Variants in XYLT1 observed in about 807,000 individuals in gnomAD.
XYLT1 encodes the protein xylosyltransferase 1.
XYLT1 carries 36 observed loss-of-function variants against 91.3 expected under a neutral mutation model. The ratio of observed to expected loss-of-function variants is 0.39; its 90% CI spans 0.30 to 0.52. The LOEUF (loss-of-function observed/expected upper bound fraction) is 0.52, where lower values mean the gene tolerates loss of function less well. XYLT1 is among the 20% of genes least tolerant of loss of function. The pLI is 0.68. For missense variants in XYLT1, 1,242 were observed against 1,284.5 expected (o/e 0.97, Z 0.51); for synonymous variants, 588 against 532.0 (o/e 1.11, Z -1.45).
chr16:17,444,093 G>A (rs2036564044), intron 1 of XYLT1, among the ~76,000 whole-genome samples: 1 of 152,092 alleles, frequency 6.6e-6, no homozygotes, highest in African/African-American at 2.4e-5. Context: ...CTCCTGGCTG[G>A]AAATCTGTTT....
chr16:17,284,456 G>A (rs969678958), intron 2 of XYLT1, among the ~76,000 whole-genome samples: 2 of 152,212 alleles, frequency 1.3e-5, no homozygotes, highest in African/African-American at 4.8e-5. Context: ...ACCTGGGGAT[G>A]AGTACTTTAA....
intron 3 of XYLT1, among the ~76,000 whole-genome samples, chr16:17,247,657 G>C (rs998622058): frequency 6.6e-6 from 1 of 152,150 alleles, no homozygotes; most frequent in Non-Finnish European, 1.5e-5. Flanking sequence ...CAAGGCTTTC[G>C]CAGCCGATAA....
intron 1 of XYLT1, among the ~76,000 whole-genome samples, chr16:17,374,698 TTCTG>T (rs1471734407): frequency 6.6e-6 from 1 of 152,104 alleles, no homozygotes; most frequent in Non-Finnish European, 1.5e-5. Flanking sequence ...AAAATCTTTT[TTCTG>T]TCTAAAATAG....
rs1441479364 is a variant in XYLT1, at chr16:17,102,014, T to TA, written c.*6680dup. 6.6e-6 allele frequency: 1 copy of TA among 152,218 alleles called. No homozygotes were observed. The highest frequency in any genetic ancestry group is 1.5e-5 in the Non-Finnish European group (1 of 68,036). The allele number at this position is 152,218 out of a possible 1,614,324, so 9.4% of individuals were successfully genotyped here. On this transcript the variant is annotated 3_prime_UTR_variant, in exon 12 of 12. Coordinates refer to ENST00000261381, the MANE Select transcript of XYLT1 (RefSeq NM_022166.4). ...TGTTATTCTCTACTCAGTACGGGTT[T>TA]AAAAATCATATACTTCTGCCTCAAC...
At position 17,306,864 on chromosome 16, in the gene XYLT1, C is replaced by T. The variant is rs560493266; in HGVS notation, c.403-47366G>A. 2.0e-5 allele frequency among the ~76,000 whole-genome samples: 3 copies of T among 152,152 alleles called. No homozygotes were observed. In the South Asian group the frequency reaches 6.2e-4, roughly 32 times the overall value. Reference sequence around the variant, plus strand: ...GGTATTAGAGGCATCTCTTCCAGCCCCTTCACTATGCAGAGGAAGAATCTG... The same window carrying T: ...GGTATTAGAGGCATCTCTTCCAGCCTCTTCACTATGCAGAGGAAGAATCTG... On this transcript the variant is annotated intron_variant, in intron 2 of 11. Coordinates refer to ENST00000261381, the MANE Select transcript of XYLT1 (RefSeq NM_022166.4).
intron 1 of XYLT1, among the ~76,000 whole-genome samples, chr16:17,380,163 C>T (rs1262054257): frequency 1.3e-5 from 2 of 152,170 alleles, no homozygotes; most frequent in Non-Finnish European, 2.9e-5. Flanking sequence ...TGGTGCACAC[C>T]TGTAATCCCA....
chr16:17,138,109 AAATGGAATAAT>A (rs758419230), intron 8 of XYLT1: 22 of 448,920 alleles, frequency 4.9e-5, no homozygotes, highest in Non-Finnish European at 7.9e-5. Context: ...CATATCCCTA[AAATGGAATAAT>A]AATGAAAGGT....
rs1306633241 is a variant in XYLT1 at position 17,134,680 on chromosome 16, T to A, written c.1820A>T (p.Glu607Val). The change falls in exon 9 of 12, where the codon GAA (glutamate) becomes GTA (valine). Residue 607 changes from glutamate (E) to valine (V), a missense_variant. Glu to Val is a moderately radical substitution (Grantham distance 121, BLOSUM62 -2). Transcript: ENST00000261381. ...GTAATAGTCCAGCTGCCCAATGATT[T>A]CCTGATTCACCACGGCTTCAAACTT... The part of the protein sequence containing the change: ...ARKFEAVVNQ[E>V]IIGQLDYYLY... 1 of 1,614,162 alleles carries A rather than the reference T, an allele frequency of 6.2e-7. No individual in the cohort carries two copies. The highest frequency in any genetic ancestry group is 1.7e-5 in the Admixed American group (1 of 60,012).
chr16:17,349,040 C>T (rs546104892), intron 2 of XYLT1, among the ~76,000 whole-genome samples: 2 of 152,302 alleles, frequency 1.3e-5, no homozygotes, highest in African/African-American at 4.8e-5. Context: ...AAGTCAATGG[C>T]GGTGGGGGTG....
intron 8 of XYLT1, among the ~76,000 whole-genome samples, chr16:17,136,302 T>A (rs973696865): frequency 2.6e-5 from 4 of 152,142 alleles, no homozygotes; most frequent in African/African-American, 9.7e-5. Context: ...CTTTCTACTG[T>A]ATCACTCCAG....
At chr16:17,210,499 C>T (rs1042345693) in intron 3 of XYLT1, among the ~76,000 whole-genome samples, 8 of 152,160 alleles carry the variant, frequency 5.3e-5, no homozygotes, top group African/African-American at 1.9e-4. Flanking sequence ...ATTGCTTGAA[C>T]CCAGGAGGCG....
intron 4 of XYLT1, among the ~76,000 whole-genome samples, chr16:17,200,173 A>T (rs2032507927): frequency 6.6e-6 from 1 of 151,828 alleles, no homozygotes; most frequent in South Asian, 2.1e-4. Context: ...GTGAGCGGAG[A>T]TCATGCCACG....
intron 2 of XYLT1, among the ~76,000 whole-genome samples, chr16:17,263,268 T>C (rs1304490651): frequency 6.6e-6 from 1 of 152,064 alleles, no homozygotes; most frequent in Non-Finnish European, 1.5e-5. Flanking sequence ...AACACTGCGA[T>C]CATCTCCCTC....
At chr16:17,337,372 A>AG (rs1420744562) in intron 2 of XYLT1, among the ~76,000 whole-genome samples, 5 of 152,094 alleles carry the variant, frequency 3.3e-5, no homozygotes, top group South Asian at 2.1e-4. Flanking sequence ...TAGAGATGAG[A>AG]GGGGGTCTCA....
At chr16:17,467,875 T>C (rs62032190) in intron 1 of XYLT1, among the ~76,000 whole-genome samples, 26,056 of 150,378 alleles carry the variant, frequency 0.17, 2,737 homozygotes, top group Non-Finnish European at 0.23. Flanking sequence ...AACAGAGCAC[T>C]GAGCTAAAGC....
chr16:17,382,827 C>T (rs1051131091), intron 1 of XYLT1, among the ~76,000 whole-genome samples: 10 of 151,894 alleles, frequency 6.6e-5, no homozygotes, highest in African/African-American at 2.2e-4. Context: ...TGCATTACTT[C>T]CTAGAGACCG....
rs748655641 is a variant in XYLT1 at position 17,134,530 on chromosome 16, C to A, written c.1970G>T (p.Arg657Leu). 2 of 1,614,124 alleles carry A rather than the reference C, an allele frequency of 1.2e-6. No homozygotes were observed. The highest frequency in any genetic ancestry group is 1.3e-5 in the African/African-American group (1 of 75,026). ...CGTCTCGGCCCGTCGAAGACCCAGGCGGGCAAAGGAGTGGTACAAGGTGAG... is the reference window on the plus strand; with the variant it reads ...CGTCTCGGCCCGTCGAAGACCCAGGAGGGCAAAGGAGTGGTACAAGGTGAG... ...VTLTLYHSFARLGLRRAETSL... is the reference protein window; with the variant it reads ...VTLTLYHSFALLGLRRAETSL... The change falls in exon 9 of 12, where the codon CGC (arginine) becomes CTC (leucine). Residue 657 changes from arginine (R) to leucine (L), a missense_variant. By Grantham distance (102) the Arg-to-Leu change is moderately radical (BLOSUM62 -2). Coordinates refer to ENST00000261381, the MANE Select transcript of XYLT1 (RefSeq NM_022166.4).
intron 5 of XYLT1, among the ~76,000 whole-genome samples, chr16:17,184,185 C>CTTT (rs71390593): frequency 0.35 from 37,446 of 106,958 alleles, 7,429 homozygotes; most frequent in South Asian, 0.59. Context: ...TAAAAGACGG[C>CTTT]TTTTTTTTTT....
intron 9 of XYLT1, among the ~76,000 whole-genome samples, chr16:17,129,603 TG>T (rs1005380182): frequency 6.6e-6 from 1 of 151,884 alleles, no homozygotes; most frequent in Non-Finnish European, 1.5e-5. Flanking sequence ...GGGGAACAGG[TG>T]GTGTTTGGTT....
Sources: gnomAD v4.1 joint callset for allele counts (sites outside exome capture counted in the v4.1 genomes callset) on GRCh38, gnomAD v4.1.1 for gene constraint, MANE v1.5 for transcripts, NCBI Gene and HGNC (gene_info 2026-07-23, HGNC 2026-07-21) for gene names.